SLC24A2: variants seen among roughly 807,000 people sequenced by gnomAD.
SLC24A2 encodes sodium/potassium/calcium exchanger 2.
SLC24A2 carries 36 observed loss-of-function variants against 62.0 expected under a neutral mutation model. The observed-to-expected ratio is 0.58, with a 90% CI of 0.44 to 0.77. SLC24A2 has a LOEUF of 0.77. Ranked by LOEUF, SLC24A2 falls within the 30% of genes least tolerant of loss-of-function variation. The pLI, the probability that SLC24A2 is intolerant of heterozygous loss-of-function variation, is 0.00. For synonymous variants in SLC24A2, 358 were observed against 294.0 expected (o/e 1.22, Z -2.23); for missense variants, 846 against 817.9 (o/e 1.03, Z -0.42).
the SLC24A2 span, among the ~76,000 whole-genome samples, chr9:20,155,148 GAA>G: frequency 5.3e-5 from 6 of 113,222 alleles, no homozygotes; most frequent in East Asian, 4.6e-4. Context: ...AAAAGAAAAA[GAA>G]AAAAAAAAAA....
chr9:19,905,286 G>A, the SLC24A2 span, among the ~76,000 whole-genome samples: 19 of 152,176 alleles, frequency 1.2e-4, no homozygotes, highest in South Asian at 6.2e-4. Flanking sequence ...TCAGCTCCCC[G>A]GTATTGTCCC....
At chr9:20,206,514 G>C in the SLC24A2 span, among the ~76,000 whole-genome samples, 1 of 152,072 alleles carries the variant, frequency 6.6e-6, no homozygotes, top group South Asian at 2.1e-4. Flanking sequence ...TTTTGAGATG[G>C]TGTCTCGCTC....
the SLC24A2 span, among the ~76,000 whole-genome samples, chr9:20,184,574 C>T: frequency 6.6e-6 from 1 of 151,926 alleles, no homozygotes; most frequent in Non-Finnish European, 1.5e-5. Context: ...ACAACAAAAA[C>T]AAAATAAAAC....
At chr9:19,610,165 A>G (rs1837111897) in intron 4 of SLC24A2, among the ~76,000 whole-genome samples, 1 of 152,248 alleles carries the variant, frequency 6.6e-6, no homozygotes, top group Non-Finnish European at 1.5e-5. Context: ...TAGTAATACA[A>G]CTGTTGTTAC....
the SLC24A2 span, among the ~76,000 whole-genome samples, chr9:20,132,855 T>C: frequency 6.6e-6 from 1 of 152,162 alleles, no homozygotes; most frequent in African/African-American, 2.4e-5. Context: ...TTTTAGTTTG[T>C]AGTATGTTTA....
rs190656256 is a variant in SLC24A2, at chr9:19,657,999, A to G, written c.931-35700T>C. Among the ~76,000 whole-genome samples the G allele has an allele frequency of 2.0e-5, 3 of 152,306 alleles. No individual in the cohort carries two copies. The East Asian group carries it at 5.8e-4, about 29-fold the overall frequency. ...CTGATTCCTGCTTGTAGTGAGAGTTATCTGTGTCCTGCTAGACTGTGAGTT... is the reference window on the plus strand; with the variant it reads ...CTGATTCCTGCTTGTAGTGAGAGTTGTCTGTGTCCTGCTAGACTGTGAGTT... On this transcript the variant is annotated intron_variant, in intron 2 of 10. Coordinates refer to ENST00000341998, the MANE Select transcript of SLC24A2 (RefSeq NM_020344.4).
chr9:19,807,609 G>A, the SLC24A2 span, among the ~76,000 whole-genome samples: 1 of 152,186 alleles, frequency 6.6e-6, no homozygotes, highest in Non-Finnish European at 1.5e-5. Flanking sequence ...GAATAAAAAT[G>A]GATATGAAAG....
chr9:19,920,812 C>T, the SLC24A2 span, among the ~76,000 whole-genome samples: 14 of 152,116 alleles, frequency 9.2e-5, no homozygotes, highest in Middle Eastern at 3.2e-3. Flanking sequence ...TGACGTGTAT[C>T]GATCGGGAGC....
chr9:20,189,066 CTT>C, the SLC24A2 span, among the ~76,000 whole-genome samples: 22 of 122,894 alleles, frequency 1.8e-4, no homozygotes, highest in African/African-American at 5.2e-4. Context: ...GGTGGCTTTT[CTT>C]TTTTTTTCTT....
At chr9:19,766,597 C>T (rs1362174994) in intron 2 of SLC24A2, among the ~76,000 whole-genome samples, 1 of 152,176 alleles carries the variant, frequency 6.6e-6, no homozygotes, top group African/African-American at 2.4e-5. Flanking sequence ...GGGTCCAATC[C>T]AGAACCTGTT....
chr9:20,248,588 C>T, the SLC24A2 span, among the ~76,000 whole-genome samples: 1 of 152,148 alleles, frequency 6.6e-6, no homozygotes, highest in African/African-American at 2.4e-5. Context: ...ATGAGGGCTC[C>T]ACCCTCATGA....
the SLC24A2 span, among the ~76,000 whole-genome samples, chr9:20,265,754 AG>A: frequency 0.038 from 5,794 of 152,326 alleles, 158 homozygotes; most frequent in African/African-American, 0.063. Flanking sequence ...CCGGTGAGCC[AG>A]GTGGAACAGA....
chr9:20,264,213 C>G, the SLC24A2 span, among the ~76,000 whole-genome samples: 9 of 152,328 alleles, frequency 5.9e-5, no homozygotes, highest in East Asian at 5.8e-4. Context: ...GACACAACCT[C>G]TCTGCACCTC....
the SLC24A2 span, among the ~76,000 whole-genome samples, chr9:20,051,943 T>A: frequency 6.6e-6 from 1 of 152,042 alleles, no homozygotes; most frequent in Non-Finnish European, 1.5e-5. Flanking sequence ...TTCTCATATG[T>A]AAACTCTGGA....
chr9:19,881,073 A>C, the SLC24A2 span, among the ~76,000 whole-genome samples: 1 of 152,198 alleles, frequency 6.6e-6, no homozygotes, highest in Non-Finnish European at 1.5e-5. Context: ...TGATTAGTAT[A>C]TGTCATATAC....
At chr9:19,949,827 A>G in the SLC24A2 span, among the ~76,000 whole-genome samples, 1 of 152,212 alleles carries the variant, frequency 6.6e-6, no homozygotes, top group South Asian at 2.1e-4. Flanking sequence ...ATCATGGATC[A>G]CCTTGTGGAA....
chr9:19,519,103 A>G (rs1833070392), intron 10 of SLC24A2, among the ~76,000 whole-genome samples: 1 of 152,214 alleles, frequency 6.6e-6, no homozygotes, highest in African/African-American at 2.4e-5. Context: ...GAATATTTGA[A>G]GCCACAAAAT....
At chr9:19,541,749 C>CG (rs1257004669) in intron 8 of SLC24A2, among the ~76,000 whole-genome samples, 1 of 148,356 alleles carries the variant, frequency 6.7e-6, no homozygotes, top group Admixed American at 6.7e-5. Flanking sequence ...TCGAGCTTCC[C>CG]GGCTGCTTTG....
At position 19,788,418 on chromosome 9, in the gene SLC24A2, C is replaced by G. The variant is rs946188834; in HGVS notation, c.-154+467G>C. 6.5e-6 allele frequency: 5 copies of G among 768,364 alleles called. No individual in the cohort carries two copies. In the South Asian group the frequency reaches 2.4e-4, roughly 36 times the overall value. 47.6% of individuals were successfully genotyped at this position (768,364 alleles called of 1,614,324 possible). On this transcript the variant is annotated intron_variant, in intron 1 of 10. Coordinates refer to ENST00000341998, the MANE Select transcript of SLC24A2 (RefSeq NM_020344.4). The stretch of plus-strand genomic sequence containing the variant: ...AACCCACCGCTCGTCTCCCCGGGAG[C>G]TGCCTCCGTAGGAGAATGTTCGCCC...
Sources: allele counts gnomAD v4.1 joint callset (sites outside exome capture counted in the v4.1 genomes callset), GRCh38; gene constraint gnomAD v4.1.1; transcripts MANE v1.5; gene names NCBI Gene and HGNC (gene_info 2026-07-23, HGNC 2026-07-21).